The following KCNMA1 variants were observed in gnomAD, a reference collection of about 807,000 sequenced individuals.
KCNMA1 encodes potassium calcium-activated channel subfamily M alpha 1, also known as Calcium-activated potassium channel subunit alpha-1.
In KCNMA1, 29 loss-of-function variants were observed where a neutral mutation model predicts 140.0. The ratio of observed to expected loss-of-function variants is 0.21; its 90% CI spans 0.15 to 0.28. The LOEUF (loss-of-function observed/expected upper bound fraction) is 0.28, where lower values mean the gene tolerates loss of function less well. KCNMA1 is among the 10% of genes least tolerant of loss of function. The probability of loss-of-function intolerance (pLI) is 1.00; values close to 1 mark genes in which losing one functional copy is unlikely to be tolerated. For missense variants in KCNMA1, 880 were observed against 1,602.2 expected (o/e 0.55, Z 7.70); for synonymous variants, 612 against 611.9 (o/e 1.00, Z 0.00).
chr10:77,062,464 A>C (rs1274275418), intron 14 of KCNMA1, among the ~76,000 whole-genome samples: 2 of 152,202 alleles, frequency 1.3e-5, no homozygotes, highest in Non-Finnish European at 2.9e-5. Context: ...ACTGCACTGT[A>C]ACCTACTGCT....
chr10:77,193,566 A>C (rs2039367954), intron 3 of KCNMA1, among the ~76,000 whole-genome samples: 1 of 152,208 alleles, frequency 6.6e-6, no homozygotes, highest in Admixed American at 6.5e-5. Flanking sequence ...ACTTATGCAC[A>C]TATACCAGAA....
chr10:77,043,011 A>C lies in KCNMA1; in HGVS notation c.1750-3374T>G, dbSNP rs148479564. On this transcript the variant is annotated intron_variant, in intron 14 of 27. Transcript: ENST00000286628. ...TGATATACCTGACCACATATATCTG[A>C]CTTTTACTGATTTTTCCATATCTTT... 5.9e-3 allele frequency among the ~76,000 whole-genome samples: 900 copies of C among 152,322 alleles called. 9 individuals carry two copies. Among genetic ancestry groups the C allele is most frequent in the African/African-American group, 0.02 (844 of 41,568 alleles).
chr10:77,446,138 C>T (rs750496014), intron 1 of KCNMA1, among the ~76,000 whole-genome samples: 9 of 152,212 alleles, frequency 5.9e-5, no homozygotes, highest in Non-Finnish European at 1.2e-4. Context: ...ATCCTGCCTC[C>T]ATGAGATGAA....
At chr10:77,442,861 C>A (rs979028677) in intron 1 of KCNMA1, among the ~76,000 whole-genome samples, 3 of 152,224 alleles carry the variant, frequency 2.0e-5, no homozygotes, top group African/African-American at 4.8e-5. Context: ...GGGCTCCTGA[C>A]CATCCAGTGT....
chr10:77,263,400 G>A (rs577545112), intron 2 of KCNMA1, among the ~76,000 whole-genome samples: 1 of 152,266 alleles, frequency 6.6e-6, no homozygotes, highest in Admixed American at 6.5e-5. Flanking sequence ...AACTTTAAAA[G>A]AGTGTTCCCT....
intron 23 of KCNMA1, among the ~76,000 whole-genome samples, chr10:76,917,053 CAACCACATAACCA>C (rs2053239963): frequency 6.6e-6 from 1 of 152,120 alleles, no homozygotes; most frequent in Admixed American, 6.5e-5. Flanking sequence ...GTTTTTCAGC[CAACCACATAACCA>C]AAAACACGCA....
intron 16 of KCNMA1, among the ~76,000 whole-genome samples, chr10:77,025,009 G>A (rs909237941): frequency 4.0e-5 from 6 of 151,702 alleles, no homozygotes; most frequent in Non-Finnish European, 5.9e-5. Context: ...ATCAAGACAC[G>A]TCAGGACAAT....
chr10:77,387,722 A>T (rs1270842682), intron 2 of KCNMA1, among the ~76,000 whole-genome samples: 1 of 151,472 alleles, frequency 6.6e-6, no homozygotes, highest in African/African-American at 2.4e-5. Context: ...GGTTCAAGTG[A>T]TTCTCCTGCC....
At chr10:76,891,769 A>C (rs769600637) in intron 25 of KCNMA1, 50 bp from the exon 26 acceptor site, 121 of 1,459,664 alleles carry the variant, frequency 8.3e-5, no homozygotes, top group Non-Finnish European at 1.1e-4. Context: ...AAACACCCTA[A>C]AGTCATGACA....
intron 1 of KCNMA1, among the ~76,000 whole-genome samples, chr10:77,448,660 TG>T (rs1173619597): frequency 1.3e-5 from 2 of 152,250 alleles, no homozygotes; most frequent in African/African-American, 4.8e-5. Flanking sequence ...CGTGTACTTC[TG>T]TATTATTTGA....
At chr10:77,444,544 T>C (rs1337701527) in intron 1 of KCNMA1, among the ~76,000 whole-genome samples, 1 of 152,210 alleles carries the variant, frequency 6.6e-6, no homozygotes, top group Non-Finnish European at 1.5e-5. Flanking sequence ...GTTTGTCACA[T>C]GGCAATTATA....
At chr10:76,916,434 A>G (rs2052946043) in intron 23 of KCNMA1, among the ~76,000 whole-genome samples, 1 of 152,234 alleles carries the variant, frequency 6.6e-6, no homozygotes, top group Non-Finnish European at 1.5e-5. Context: ...ACACATATCA[A>G]TATTAGAAAC....
intron 2 of KCNMA1, among the ~76,000 whole-genome samples, chr10:77,362,483 A>C (rs1184725219): frequency 2.6e-5 from 4 of 151,858 alleles, no homozygotes; most frequent in Non-Finnish European, 5.9e-5. Flanking sequence ...TGGGTGCTTT[A>C]TGTAACCCCT....
chr10:77,479,164 A>C (rs2098336040), intron 1 of KCNMA1, among the ~76,000 whole-genome samples: 1 of 152,252 alleles, frequency 6.6e-6, no homozygotes, highest in African/African-American at 2.4e-5. Context: ...GAGGGTATTA[A>C]GAAATAGAAA....
chr10:77,112,146 C>A (rs967263534), intron 7 of KCNMA1, among the ~76,000 whole-genome samples: 2 of 152,142 alleles, frequency 1.3e-5, no homozygotes, highest in African/African-American at 4.8e-5. Flanking sequence ...GAGCAATGAA[C>A]TGAAAAATGC....
chr10:77,184,378 C>G (rs2098830096), intron 4 of KCNMA1, among the ~76,000 whole-genome samples: 1 of 152,146 alleles, frequency 6.6e-6, no homozygotes, highest in Non-Finnish European at 1.5e-5. Flanking sequence ...CGCCGCCACG[C>G]CTGGCTAACT....
At chr10:76,965,045 G>A (rs2073319379) in intron 20 of KCNMA1, among the ~76,000 whole-genome samples, 1 of 152,132 alleles carries the variant, frequency 6.6e-6, no homozygotes, top group Non-Finnish European at 1.5e-5. Context: ...TTCATTGAAA[G>A]TTTATAGGGT....
chr10:77,139,112 C>G (rs113323828), intron 5 of KCNMA1, among the ~76,000 whole-genome samples: 2,426 of 152,298 alleles, frequency 0.016, 71 homozygotes, highest in African/African-American at 0.056. Flanking sequence ...TGAGTACTCA[C>G]TACTGAAAAT....
intron 27 of KCNMA1, chr10:76,888,174 C>T (rs542919178): frequency 1.0e-4 from 16 of 154,922 alleles, no homozygotes; most frequent in African/African-American, 3.6e-4. Flanking sequence ...AGGTCAGCAT[C>T]ACCTAGGAAC....
Sources: allele counts gnomAD v4.1 joint callset (sites outside exome capture counted in the v4.1 genomes callset), GRCh38; gene constraint gnomAD v4.1.1; transcripts MANE v1.5; gene names NCBI Gene and HGNC (gene_info 2026-07-23, HGNC 2026-07-21).